Variants in IQSEC1 observed in about 807,000 individuals in gnomAD.
The protein encoded by IQSEC1 is IQ motif and Sec7 domain ArfGEF 1.
In IQSEC1, 31 loss-of-function variants were observed where a neutral mutation model predicts 91.0. The ratio of observed to expected loss-of-function variants is 0.34; its 90% CI spans 0.26 to 0.46. The LOEUF (loss-of-function observed/expected upper bound fraction) is 0.46, where lower values mean the gene tolerates loss of function less well. Among genes scored for constraint, IQSEC1 ranks in the 20% least tolerant of loss-of-function variants. IQSEC1 has a pLI of 1.00. For synonymous variants in IQSEC1, 699 were observed against 662.6 expected (o/e 1.05, Z -0.84); for missense variants, 1,388 against 1,575.6 (o/e 0.88, Z 2.02).
chr3:13,157,776 CTG>C (rs1160556583), intron 2 of IQSEC1, among the ~76,000 whole-genome samples: 1 of 152,218 alleles, frequency 6.6e-6, no homozygotes, highest in Non-Finnish European at 1.5e-5. Context: ...TCTCCACAGA[CTG>C]TGGCAGAGGG....
Position 12,920,585 on chromosome 3 carries a change from C to T in IQSEC1, c.1865G>A (p.Cys622Tyr). The change falls in exon 6 of 14, where the codon TGC (cysteine) becomes TAC (tyrosine). Residue 622 changes from cysteine to tyrosine, a missense_variant. Physicochemically the swap from Cys to Tyr is radical, Grantham distance 194. Coordinates refer to ENST00000613206, the MANE Select transcript of IQSEC1 (RefSeq NM_001134382.3). ...CCGCACCACCCCAGGGTTGCAGATGCAGTAGCGCTGGCTGCGGGCCGGGAG... is the reference window on the plus strand; with the variant it reads ...CCGCACCACCCCAGGGTTGCAGATGTAGTAGCGCTGGCTGCGGGCCGGGAG... The part of the protein sequence containing the change: ...RLIEAFSQRY[C>Y]ICNPGVVRQF... 6.2e-7 allele frequency: 1 copy of T among 1,614,020 alleles called. No homozygotes were observed. Among genetic ancestry groups the T allele is most frequent in the Non-Finnish European group, 8.5e-7 (1 of 1,180,022 alleles).
chr3:13,180,351 G>A (rs1016752571), intron 1 of IQSEC1, among the ~76,000 whole-genome samples: 1 of 152,104 alleles, frequency 6.6e-6, no homozygotes, highest in Non-Finnish European at 1.5e-5. Context: ...ACTCTGGTGG[G>A]GACTTGGAGA....
chr3:13,161,071 G>T (rs566448634), intron 2 of IQSEC1, among the ~76,000 whole-genome samples: 1 of 152,332 alleles, frequency 6.6e-6, no homozygotes, highest in East Asian at 1.9e-4. Context: ...TCTTCGGGGG[G>T]TGGAGTGGAG....
intron 1 of IQSEC1, among the ~76,000 whole-genome samples, chr3:13,041,639 A>G (rs1704273810): frequency 6.6e-6 from 1 of 152,080 alleles, no homozygotes; most frequent in Admixed American, 6.5e-5. Flanking sequence ...TGTGCACTGG[A>G]CAGAACACAC....
intron 1 of IQSEC1, among the ~76,000 whole-genome samples, chr3:12,944,602 G>A (rs60662034): frequency 1.3e-5 from 2 of 152,112 alleles, no homozygotes; most frequent in Non-Finnish European, 2.9e-5. Context: ...ACACACGCCC[G>A]GGACTGGAAG....
intron 1 of IQSEC1, among the ~76,000 whole-genome samples, chr3:12,976,273 G>C (rs115581231): frequency 6.6e-6 from 1 of 152,206 alleles, no homozygotes; most frequent in Non-Finnish European, 1.5e-5. Flanking sequence ...AGCAGTGGCC[G>C]CCCCAGGAGG....
At chr3:13,187,723 G>A (rs1319883625) in intron 1 of IQSEC1, among the ~76,000 whole-genome samples, 3 of 152,192 alleles carry the variant, frequency 2.0e-5, no homozygotes, top group Admixed American at 1.3e-4. Flanking sequence ...ACCAGGGACT[G>A]GGTAGCTTAT....
At position 12,899,837 on chromosome 3, in the gene IQSEC1, C is replaced by T. The variant is rs189240235; in HGVS notation, c.*1146G>A. ...GTGTGGGTTGGAGGCGGGATGAGGA[C>T]GTTATGGTGTTGGGGAGACGAGGAT... is the stretch of plus-strand genomic sequence containing the variant. On this transcript the variant is annotated 3_prime_UTR_variant, in exon 14 of 14. Coordinates refer to ENST00000613206, the MANE Select transcript of IQSEC1 (RefSeq NM_001134382.3). The T allele has an allele frequency of 2.0e-3, 1,967 of 985,134 alleles. 5 individuals carry two copies. The highest frequency in any genetic ancestry group is 2.3e-3 in the Non-Finnish European group (1,900 of 829,874). 61.0% of individuals were successfully genotyped at this position (985,134 alleles called of 1,614,324 possible).
At chr3:13,176,048 A>T (rs1693722318) in intron 1 of IQSEC1, among the ~76,000 whole-genome samples, 1 of 152,322 alleles carries the variant, frequency 6.6e-6, no homozygotes, top group African/African-American at 2.4e-5. Flanking sequence ...CATGATAGAC[A>T]TTGCCATTCT....
chr3:13,262,428 A>G (rs1695405872), intron 1 of IQSEC1, among the ~76,000 whole-genome samples: 2 of 152,170 alleles, frequency 1.3e-5, no homozygotes, highest in African/African-American at 2.4e-5. Context: ...TTTACCCACC[A>G]TTCCACTGCC....
At chr3:13,205,638 C>G (rs1694330426) in intron 1 of IQSEC1, among the ~76,000 whole-genome samples, 1 of 151,472 alleles carries the variant, frequency 6.6e-6, no homozygotes, top group Admixed American at 6.6e-5. Flanking sequence ...ATCCCTCCAT[C>G]CATCCATCTC....
At chr3:13,052,199 C>T (rs747692157) in intron 1 of IQSEC1, among the ~76,000 whole-genome samples, 2 of 152,222 alleles carry the variant, frequency 1.3e-5, no homozygotes, top group Non-Finnish European at 2.9e-5. Flanking sequence ...CTGTAGCCCC[C>T]TCACCTCTTC....
intron 1 of IQSEC1, among the ~76,000 whole-genome samples, chr3:12,965,653 C>G (rs1267759883): frequency 6.6e-6 from 1 of 152,214 alleles, no homozygotes; most frequent in African/African-American, 2.4e-5. Flanking sequence ...TCCAAGCAGG[C>G]TTCCCTGAAG....
At chr3:13,075,973 C>T (rs1705555831), upstream of IQSEC1, among the ~76,000 whole-genome samples, 1 of 152,200 alleles carries the variant, frequency 6.6e-6, no homozygotes, top group East Asian at 1.9e-4. Flanking sequence ...CCCTCGACAT[C>T]CAATCTCAGG....
chr3:13,077,289 G>C (rs1705578476), upstream of IQSEC1, among the ~76,000 whole-genome samples: 1 of 152,148 alleles, frequency 6.6e-6, no homozygotes, highest in Admixed American at 6.5e-5. Flanking sequence ...ACAAGAAACA[G>C]AACATGACGA....
rs1032489140 is a variant in IQSEC1, at chr3:13,193,545, G to A, written c.273-29412C>T. Among the ~76,000 whole-genome samples, 3 of 152,130 alleles carry A rather than the reference G, an allele frequency of 2.0e-5. No homozygotes were observed. The highest frequency in any genetic ancestry group is 2.9e-5 in the Non-Finnish European group (2 of 68,020). On this transcript the variant is annotated intron_variant, in intron 1 of 15. Coordinates refer to the IQSEC1 transcript ENST00000648114. The surrounding 1 kb of genome is among the most constrained non-coding windows in gnomAD (Gnocchi z 4.2). The stretch of plus-strand genomic sequence containing the variant: ...ACGAAGAGGAGTGCCAGCCCAGGCC[G>A]CCAGGGTGACAGGAAGAAAGGGAGG...
intron 1 of IQSEC1, among the ~76,000 whole-genome samples, chr3:12,982,606 G>A (rs149632316): frequency 4.6e-5 from 7 of 152,362 alleles, no homozygotes; most frequent in East Asian, 3.9e-4. Flanking sequence ...CCTGGCCCCC[G>A]TGGGTGTTTA....
chr3:13,065,911 G>A (rs1705215039), intron 1 of IQSEC1, among the ~76,000 whole-genome samples: 1 of 152,174 alleles, frequency 6.6e-6, no homozygotes, highest in Non-Finnish European at 1.5e-5. Flanking sequence ...CTTTAAAAAG[G>A]AAGTTCTGCC....
At position 12,967,269 on chromosome 3, in the gene IQSEC1, G is replaced by T; in HGVS notation, c.24-25404C>A. The stretch of plus-strand genomic sequence containing the variant: ...CCCGCCCCGCAGGCAGCTTTCTCTC[G>T]CACGCCGGGCGCCCGGTCCCGACGG... On this transcript the variant is annotated intron_variant, in intron 1 of 13. Transcript: ENST00000613206. This position sits in a 1 kb window ranked among gnomAD's most constrained non-coding sequence, Gnocchi z 5.9. The T allele has an allele frequency of 1.2e-6, 1 of 852,852 alleles. No homozygotes were observed. The highest frequency in any genetic ancestry group is 1.7e-6 in the Non-Finnish European group (1 of 585,494). The allele number at this position is 852,852 out of a possible 1,614,324, so 52.8% of individuals were successfully genotyped here.
Sources: allele counts gnomAD v4.1 joint callset (sites outside exome capture counted in the v4.1 genomes callset), GRCh38; gene constraint gnomAD v4.1.1; non-coding constraint Gnocchi (gnomAD v3.1); transcripts MANE v1.5; gene names NCBI Gene and HGNC (gene_info 2026-07-23, HGNC 2026-07-21).